Variants in TMEM114 observed in about 807,000 individuals in gnomAD.
TMEM114 encodes the protein transmembrane protein 114.
Under a neutral mutation model 6.2 loss-of-function variants are expected in TMEM114, and 6 were observed. The observed-to-expected ratio is 0.97, with a 90% confidence interval of 0.53 to 1.91. The LOEUF (loss-of-function observed/expected upper bound fraction) is 1.91, where lower values mean the gene tolerates loss of function less well. TMEM114 is among the 40% of genes most tolerant of loss of function. The pLI is 0.01. For synonymous variants in TMEM114, 104 were observed against 73.0 expected, an observed-to-expected ratio of 1.42 and a Z score of -2.16; for missense variants, 218 against 158.3, an observed-to-expected ratio of 1.38 and a Z score of -2.02.
At chr16:8,572,021 A>G in intron 3 of TMEM114, 66 bp downstream of exon 3, 1 of 1,460,396 alleles carries the variant, frequency 6.8e-7, no homozygotes, top group Non-Finnish European at 9.0e-7. Flanking sequence ...CTGAGGGTTC[A>G]TACACAGTAC....
intron 2 of TMEM114, among the ~76,000 whole-genome samples, chr16:8,552,848 T>C (rs1227926971): frequency 6.6e-6 from 1 of 152,146 alleles, no homozygotes; most frequent in African/African-American, 2.4e-5. Flanking sequence ...CCAGCAGCCC[T>C]TGATCCTTGG....
Position 8,569,893 on chromosome 16 carries a change from G to A in TMEM114, c.552C>T (p.Ser184=), listed in dbSNP as rs1310278442. The stretch of plus-strand genomic sequence containing the variant: ...AGCCCAGGGCCAGGGACCAGCCGAA[G>A]CTGATGTCCACCTGGTCCAGGAGGG... The part of the protein sequence containing the change: ...EKALLDQVDI[S]FGWSLALGWI... The change falls in exon 4 of 4, where the codon AGC becomes AGT. Residue 184 remains serine, a synonymous_variant. Coordinates refer to ENST00000620492, the MANE Select transcript of TMEM114 (RefSeq NM_001146336.2). 1.3e-6 allele frequency: 2 copies of A among 1,551,264 alleles called. No homozygotes were observed. The highest frequency in any genetic ancestry group is 1.7e-6 in the Non-Finnish European group (2 of 1,146,958).
chr16:8,577,396 G>A (rs1048239950), intron 2 of TMEM114, among the ~76,000 whole-genome samples: 3 of 152,060 alleles, frequency 2.0e-5, no homozygotes, highest in Non-Finnish European at 2.9e-5. Flanking sequence ...ATGTTCTTGG[G>A]AGAGAAGGAT....
At chr16:8,574,985 T>C (rs1341983232) in intron 2 of TMEM114, among the ~76,000 whole-genome samples, 3 of 152,216 alleles carry the variant, frequency 2.0e-5, no homozygotes, top group Non-Finnish European at 2.9e-5. Flanking sequence ...AGTTCTGTTC[T>C]ACTTAGAAAT....
rs540567620 is a variant in TMEM114 at position 8,562,607 on chromosome 16, A to C, written n.213-24781T>G. 1.8e-3 allele frequency among the ~76,000 whole-genome samples: 269 copies of C among 151,260 alleles called. 3 individuals carry two copies. Among genetic ancestry groups the C allele is most frequent in the Admixed American group, 3.1e-3 (47 of 15,250 alleles). On this transcript the variant is annotated intron_variant and non_coding_transcript_variant, in intron 2 of 2. Coordinates refer to the TMEM114 transcript ENST00000623677. ...AAATAAGTAAGTGAATGAGTGAGTGAGTGAATGAGTGAGTGAGTGAATGAA... is the reference window on the plus strand; with the variant it reads ...AAATAAGTAAGTGAATGAGTGAGTGCGTGAATGAGTGAGTGAGTGAATGAA...
At position 8,569,971 on chromosome 16, in the gene TMEM114, T is replaced by C; in HGVS notation, c.474A>G (p.Ile158Met). The C allele has an allele frequency of 6.4e-7, 1 of 1,550,844 alleles. No individual in the cohort carries two copies. Among genetic ancestry groups the C allele is most frequent in the Non-Finnish European group, 8.7e-7 (1 of 1,146,916 alleles). Reference protein sequence around the residue: ...MVTLAGISVYIAYSAAAFREA... With the variant: ...MVTLAGISVYMAYSAAAFREA... ...CCCGGAAGGCGGCGGCTGAATACGC[T>C]ATGTAGACGCTGATCCCAGCGAGGG... Residue 158 changes from isoleucine to methionine, a missense_variant, in exon 4 of 4, where the codon ATA (isoleucine) becomes ATG (methionine). Coordinates refer to ENST00000620492, the MANE Select transcript of TMEM114 (RefSeq NM_001146336.2).
intron 2 of TMEM114, among the ~76,000 whole-genome samples, chr16:8,552,011 T>C (rs1900859962): frequency 6.6e-6 from 1 of 152,166 alleles, no homozygotes; most frequent in Non-Finnish European, 1.5e-5. Flanking sequence ...GTTCCATTTA[T>C]ATAACATTCT....
intron 2 of TMEM114, among the ~76,000 whole-genome samples, chr16:8,555,917 G>C (rs901793332): frequency 5.3e-5 from 8 of 152,144 alleles, no homozygotes; most frequent in Non-Finnish European, 1.0e-4. Flanking sequence ...ACCCTAAGAA[G>C]TATCTCCAAC....
chr16:8,552,931 C>G (rs531377885), intron 2 of TMEM114, among the ~76,000 whole-genome samples: 1 of 152,174 alleles, frequency 6.6e-6, no homozygotes, highest in Non-Finnish European at 1.5e-5. Context: ...AGGTCTCTTA[C>G]CACTTAAGCT....
intron 1 of TMEM114, 59 bp from the exon 2 acceptor site, chr16:8,589,352 G>A: frequency 2.5e-6 from 1 of 398,840 alleles, no homozygotes; most frequent in Non-Finnish European, 4.4e-6. Flanking sequence ...CAGCACCCTC[G>A]TCTGCGGCTT....
intron 2 of TMEM114, among the ~76,000 whole-genome samples, chr16:8,588,614 T>A (rs1176683845): frequency 6.6e-6 from 1 of 152,218 alleles, no homozygotes; most frequent in Non-Finnish European, 1.5e-5. Flanking sequence ...GGCACTGAGC[T>A]GGGTACTAAG....
At chr16:8,548,281 T>C (rs1900735168) in intron 2 of TMEM114, among the ~76,000 whole-genome samples, 1 of 152,134 alleles carries the variant, frequency 6.6e-6, no homozygotes, top group Admixed American at 6.5e-5. Context: ...TGCTGTGAAA[T>C]GATTCATTTG....
chr16:8,539,155 A>T (rs1900446367), intron 2 of TMEM114, among the ~76,000 whole-genome samples: 1 of 152,076 alleles, frequency 6.6e-6, no homozygotes, highest in Admixed American at 6.5e-5. Flanking sequence ...GGAACATGTG[A>T]CCCATATGAA....
chr16:8,527,609 G>C, the TMEM114 span, among the ~76,000 whole-genome samples: 1 of 152,148 alleles, frequency 6.6e-6, no homozygotes, highest in Non-Finnish European at 1.5e-5. Context: ...TTCTGTGCCT[G>C]TACTAAGCCC....
chr16:8,566,282 C>G (rs1191050044), downstream of TMEM114, among the ~76,000 whole-genome samples: 2 of 151,254 alleles, frequency 1.3e-5, no homozygotes, highest in African/African-American at 2.4e-5. Context: ...GAGGCTGAGG[C>G]AGGAGAATCA....
In TMEM114 at chr16:8,585,516, C is replaced by T. The variant is rs930320419; in HGVS notation, c.301+3697G>A. Among the ~76,000 whole-genome samples the T allele has an allele frequency of 2.0e-5, 3 of 152,082 alleles. No homozygotes were observed. In the South Asian group the frequency reaches 6.2e-4, roughly 32 times the overall value. ...GTCGAACGTGCTGCTTGTCAGCTAG[C>T]TTCTCCTCTATGGCCTCTGCAGCAG... On this transcript the variant is annotated intron_variant, in intron 2 of 3. Coordinates refer to ENST00000620492, the MANE Select transcript of TMEM114 (RefSeq NM_001146336.2).
chr16:8,538,254 A>C (rs1477719625), intron 2 of TMEM114, among the ~76,000 whole-genome samples: 1 of 151,684 alleles, frequency 6.6e-6, no homozygotes, highest in African/African-American at 2.4e-5. Context: ...CTTCCACTGC[A>C]CTGTAGCCTG....
Position 8,569,615 on chromosome 16 carries a change from G to A in TMEM114, c.*158C>T, listed in dbSNP as rs906551571. The stretch of plus-strand genomic sequence containing the variant: ...ACACAGGTACTAGGATAACAGCCAG[G>A]CCCCAAGCTTAGTCCGCGGGGATTT... On this transcript the variant is annotated 3_prime_UTR_variant, in exon 4 of 4. Transcript: ENST00000620492. The A allele has an allele frequency of 7.7e-6, 11 of 1,434,600 alleles. No individual in the cohort carries two copies. The African/African-American group carries it at 1.4e-4, about 19-fold the overall frequency. 88.9% of individuals were successfully genotyped at this position (1,434,600 alleles called of 1,614,324 possible).
intron 2 of TMEM114, among the ~76,000 whole-genome samples, chr16:8,541,236 CATGTGGCT>C (rs1309484099): frequency 2.0e-5 from 3 of 152,154 alleles, no homozygotes; most frequent in African/African-American, 7.2e-5. Flanking sequence ...GGCTTGAGGT[CATGTGGCT>C]ACCAAGGACG....
Sources: allele counts gnomAD v4.1 joint callset (sites outside exome capture counted in the v4.1 genomes callset), GRCh38; gene constraint gnomAD v4.1.1; transcripts MANE v1.5; gene names NCBI Gene and HGNC (gene_info 2026-07-23, HGNC 2026-07-21).